The following NBAS variants were observed in gnomAD, a reference collection of about 807,000 sequenced individuals.
NBAS encodes the protein NAG/BC035112 fusion.
NBAS carries 219 observed loss-of-function variants against 302.5 expected under a neutral mutation model. The ratio of observed to expected loss-of-function variants is 0.72; its 90% CI spans 0.65 to 0.81. The LOEUF (loss-of-function observed/expected upper bound fraction) is 0.81. NBAS is among the 30% of genes least tolerant of loss of function. The pLI, the probability that NBAS is intolerant of heterozygous loss-of-function variation, is 0.00. For missense variants in NBAS, 2,932 were observed against 2,841.6 expected, an observed-to-expected ratio of 1.03 and a Z score of -0.72; for synonymous variants, 1,118 against 1,021.6, an observed-to-expected ratio of 1.09 and a Z score of -1.80.
At position 15,249,312 on chromosome 2, in the gene NBAS, T is replaced by A. The variant is rs1668253437; in HGVS notation, c.5725-10626A>T. ...ATAATCTAGGTATTGATGAAACGTA[T>A]CTCAAAATAAAAAGAGCTATTTATG... On this transcript the variant is annotated intron_variant, in intron 44 of 51. Transcript: ENST00000281513. 2.0e-5 allele frequency among the ~76,000 whole-genome samples: 3 copies of A among 152,102 alleles called. No individual in the cohort carries two copies. The South Asian group carries it at 6.2e-4, about 32-fold the overall frequency.
the NBAS span, among the ~76,000 whole-genome samples, chr2:14,971,060 G>A: frequency 6.6e-6 from 1 of 152,240 alleles, no homozygotes; most frequent in Admixed American, 6.5e-5. Context: ...AACAATGGCA[G>A]GTTTAAATTT....
At chr2:15,095,815 C>G in the NBAS span, among the ~76,000 whole-genome samples, 1 of 152,180 alleles carries the variant, frequency 6.6e-6, no homozygotes, top group Non-Finnish European at 1.5e-5. Context: ...CAAGCTTGGC[C>G]TTAGTCAGTG....
At chr2:14,783,610 G>A in the NBAS span, among the ~76,000 whole-genome samples, 1 of 151,032 alleles carries the variant, frequency 6.6e-6, no homozygotes, top group Admixed American at 6.6e-5. Context: ...TGAGAATGAT[G>A]ATTTCCAATT....
At chr2:15,207,486 G>A (rs920576171) in intron 48 of NBAS, among the ~76,000 whole-genome samples, 2 of 152,154 alleles carry the variant, frequency 1.3e-5, no homozygotes, top group Admixed American at 6.5e-5. Flanking sequence ...AGGCATATTG[G>A]TTTTGAAAAG....
At chr2:14,989,496 T>C in the NBAS span, among the ~76,000 whole-genome samples, 1 of 151,972 alleles carries the variant, frequency 6.6e-6, no homozygotes, top group Non-Finnish European at 1.5e-5. Flanking sequence ...AGGTGGAGGT[T>C]GCAGTGAGCT....
intron 48 of NBAS, among the ~76,000 whole-genome samples, chr2:15,193,861 C>A (rs1665481477): frequency 6.6e-6 from 1 of 152,002 alleles, no homozygotes. Context: ...TGCTCCTCTG[C>A]AAAGCACAAC....
chr2:15,203,158 T>C (rs1209540548), intron 48 of NBAS, among the ~76,000 whole-genome samples: 2 of 152,204 alleles, frequency 1.3e-5, no homozygotes, highest in Non-Finnish European at 2.9e-5. Context: ...CATACACCTT[T>C]ACATGTGTCT....
chr2:14,979,958 T>C, the NBAS span, among the ~76,000 whole-genome samples: 68,422 of 151,916 alleles, frequency 0.45, 17,184 homozygotes, highest in African/African-American at 0.68. Context: ...CCTCTTAAAA[T>C]CCTGCTAAAT....
chr2:15,186,078 A>G (rs1665062479), intron 50 of NBAS, among the ~76,000 whole-genome samples: 1 of 130,428 alleles, frequency 7.7e-6, no homozygotes, highest in Non-Finnish European at 1.6e-5. Flanking sequence ...ATACATACAT[A>G]TATATATACA....
chr2:15,401,720 A>T (rs555906827), intron 26 of NBAS, among the ~76,000 whole-genome samples: 4 of 152,330 alleles, frequency 2.6e-5, no homozygotes, highest in African/African-American at 9.6e-5. Context: ...TTTAAACATA[A>T]AAGCAGTTAA....
the NBAS span, among the ~76,000 whole-genome samples, chr2:15,098,620 A>G: frequency 5.8e-4 from 64 of 109,718 alleles, 1 homozygote; most frequent in African/African-American, 2.5e-3. Context: ...ATAATGTATT[A>G]TATATTGTAT....
At chr2:15,288,930 C>G (rs921773770) in intron 41 of NBAS, among the ~76,000 whole-genome samples, 11 of 152,292 alleles carry the variant, frequency 7.2e-5, no homozygotes, top group African/African-American at 2.6e-4. Flanking sequence ...CTTTTTATGG[C>G]TTTTGTTTTT....
intron 11 of NBAS, among the ~76,000 whole-genome samples, chr2:15,490,568 C>T (rs1421962855): frequency 6.6e-6 from 1 of 152,136 alleles, no homozygotes; most frequent in Admixed American, 6.5e-5. Flanking sequence ...CAATAAGCTC[C>T]ATGGTTTTGT....
chr2:15,382,595 C>T (rs1453034376), intron 29 of NBAS, among the ~76,000 whole-genome samples: 2 of 152,058 alleles, frequency 1.3e-5, no homozygotes, highest in Non-Finnish European at 2.9e-5. Context: ...CATGAAACAG[C>T]ACGGTGGATG....
chr2:15,242,667 G>C (rs1205492602), intron 44 of NBAS, among the ~76,000 whole-genome samples: 1 of 151,138 alleles, frequency 6.6e-6, no homozygotes, highest in African/African-American at 2.4e-5. Flanking sequence ...TTTCTTTACT[G>C]TATCTAGTGG....
intron 8 of NBAS, among the ~76,000 whole-genome samples, chr2:15,535,381 G>T (rs1663438725): frequency 6.6e-6 from 1 of 152,026 alleles, no homozygotes; most frequent in Admixed American, 6.6e-5. Context: ...AATTAGCCAG[G>T]TTTGGTGGCG....
chr2:15,105,671 C>T, the NBAS span, among the ~76,000 whole-genome samples: 2 of 152,056 alleles, frequency 1.3e-5, no homozygotes, highest in Admixed American at 1.3e-4. Context: ...GAAATATTTC[C>T]TAGGTCTCTA....
Position 15,461,773 on chromosome 2 carries a change from G to A in NBAS, c.2116C>T (p.His706Tyr), listed in dbSNP as rs116458109. The part of the protein sequence containing the change: ...ATYEEILGVP[H>Y]ASEQRYDAEF... ...GCATCATATCTCTGTTCAGATGCAT[G>A]AGGCACTCCTAGGATTTCCTGAGGG... is the stretch of plus-strand genomic sequence containing the variant. Residue 706 changes from histidine to tyrosine, a missense_variant, in exon 20 of 52, where the codon CAT (histidine) becomes TAT (tyrosine). Coordinates refer to ENST00000281513, the MANE Select transcript of NBAS (RefSeq NM_015909.4). 1.7e-3 allele frequency: 2,763 copies of A among 1,599,382 alleles called. 6 individuals are homozygous for A. Among genetic ancestry groups the A allele is most frequent in the Non-Finnish European group, 2.1e-3 (2,510 of 1,167,500 alleles).
intron 6 of NBAS, among the ~76,000 whole-genome samples, chr2:15,548,667 A>C (rs1664232530): frequency 6.6e-6 from 1 of 151,856 alleles, no homozygotes; most frequent in Non-Finnish European, 1.5e-5. Context: ...AATTAAATCA[A>C]TAAAAAAGGA....
Sources: gnomAD v4.1 joint callset for allele counts (sites outside exome capture counted in the v4.1 genomes callset) on GRCh38, gnomAD v4.1.1 for gene constraint, MANE v1.5 for transcripts, NCBI Gene and HGNC (gene_info 2026-07-23, HGNC 2026-07-21) for gene names.